Variants in GRM4 observed in about 807,000 individuals in gnomAD.
GRM4 encodes the protein glutamate metabotropic receptor 4, also known as metabotropic glutamate receptor 4.
Under a neutral mutation model 81.7 loss-of-function variants are expected in GRM4, and 28 were observed. The observed-to-expected ratio is 0.34, with a 90% CI of 0.25 to 0.47. The LOEUF is 0.47. Ranked by LOEUF, GRM4 falls within the 20% of genes least tolerant of loss-of-function variation. The pLI, the probability that GRM4 is intolerant of heterozygous loss-of-function variation, is 1.00. For missense variants in GRM4, 948 were observed against 1,290.0 expected, an observed-to-expected ratio of 0.73 and a Z score of 4.06; for synonymous variants, 488 against 528.8, an observed-to-expected ratio of 0.92 and a Z score of 1.06.
Position 34,095,131 on chromosome 6 carries a change from A to AGAGC in GRM4, c.520-3036_520-3033dup, listed in dbSNP as rs756556639. ...CAGGATATGCGCGTCAGCCTGCAGG[A>AGAGC]GAGCCCCGGACCCCTGATTTCAAGA... On this transcript the variant is annotated intron_variant, in intron 2 of 10. Transcript: ENST00000538487. Among the ~76,000 whole-genome samples the AGAGC allele has an allele frequency of 5.3e-5, 8 of 152,320 alleles. No homozygotes were observed. The South Asian group carries it at 6.2e-4, about 12-fold the overall frequency.
intron 2 of GRM4, among the ~76,000 whole-genome samples, chr6:34,125,105 T>G (rs1168340547): frequency 1.3e-5 from 2 of 152,036 alleles, no homozygotes; most frequent in Non-Finnish European, 2.9e-5. Context: ...TCCTGAGTAG[T>G]TGGGACTACA....
intron 6 of GRM4, 31 bp from the exon 7 acceptor site, chr6:34,040,779 C>A: frequency 1.3e-6 from 2 of 1,573,246 alleles, no homozygotes; most frequent in Non-Finnish European, 1.7e-6. Flanking sequence ...CAGGGACACT[C>A]GTGAGGCCCA....
rs553078897 is a variant in GRM4 at position 34,052,673 on chromosome 6, G to A, written c.1168+3871C>T. ...GGAAGCTAGACTCTGGAGACAGAGTGGGGGCAGGTGGAGAATAGGTCTCGG... is the reference window on the plus strand; with the variant it reads ...GGAAGCTAGACTCTGGAGACAGAGTAGGGGCAGGTGGAGAATAGGTCTCGG... On this transcript the variant is annotated intron_variant, in intron 6 of 10. Transcript: ENST00000538487. Among the ~76,000 whole-genome samples the A allele has an allele frequency of 1.7e-3, 264 of 152,324 alleles. 1 individual carries two copies. The highest frequency in any genetic ancestry group is 6.0e-3 in the African/African-American group (249 of 41,558).
Position 34,040,702 on chromosome 6 carries a change from C to T in GRM4, c.1215G>A (p.Lys405=), listed in dbSNP as rs1764980963. 1.2e-6 allele frequency: 2 copies of T among 1,613,978 alleles called. No individual in the cohort carries two copies. Among genetic ancestry groups the T allele is most frequent in the South Asian group, 1.1e-5 (1 of 91,088 alleles). The stretch of plus-strand genomic sequence containing the variant: ...ACACGGCATCGATCACAAACTGCAC[C>T]TTCCCCTCCTGCTCATAAGCTGAAT... The part of the protein sequence containing the change: ...GQDSAYEQEG[K]VQFVIDAVYA... Residue 405 remains lysine (K), a synonymous_variant, in exon 7 of 11, where the codon AAG becomes AAA. Transcript: ENST00000538487.
At chr6:34,039,377 G>A (rs989296345) in intron 8 of GRM4, among the ~76,000 whole-genome samples, 15 of 152,242 alleles carry the variant, frequency 9.9e-5, no homozygotes, top group African/African-American at 3.6e-4. Context: ...CCAGGACAAG[G>A]AGAGTGGAGG....
In GRM4 at chr6:34,036,598, C is replaced by T. The variant is rs1341524492; in HGVS notation, c.1512G>A (p.Glu504=). Residue 504 remains glutamate, a synonymous_variant, in exon 9 of 11, where the codon GAG becomes GAA. Coordinates refer to ENST00000538487, the MANE Select transcript of GRM4 (RefSeq NM_000841.4). The surrounding 1 kb of genome is among the most constrained non-coding windows in gnomAD (Gnocchi z 9.0). ...GCCCGCTCCCCGGCCAGTGCATCCG[C>T]TCTATCTGGCAATGACAGCACCGTA... ...SWTDHLHLRI[E]RMHWPGSGQQ... 1 of 1,553,350 alleles carries T rather than the reference C, an allele frequency of 6.4e-7. No individual in the cohort carries two copies. Among genetic ancestry groups the T allele is most frequent in the Non-Finnish European group, 8.8e-7 (1 of 1,141,758 alleles).
rs1459580571 is a variant in GRM4, at chr6:34,045,073, C to G, written c.1169-4325G>C. On this transcript the variant is annotated intron_variant, in intron 6 of 10. Coordinates refer to ENST00000538487, the MANE Select transcript of GRM4 (RefSeq NM_000841.4). The stretch of plus-strand genomic sequence containing the variant: ...CACTCCTCAACTCTGACCTCAGATG[C>G]CTCAGGCCCTTCCCTTGTGCCCCAC... 3.3e-5 allele frequency among the ~76,000 whole-genome samples: 5 copies of G among 152,306 alleles called. No homozygotes were observed. In the East Asian group the frequency reaches 9.6e-4, roughly 29 times the overall value.
intron 2 of GRM4, among the ~76,000 whole-genome samples, chr6:34,118,183 T>C (rs141214086): frequency 5.3e-5 from 8 of 152,354 alleles, no homozygotes; most frequent in Non-Finnish European, 1.0e-4. Flanking sequence ...GCTTTGCTGT[T>C]TTCTTCCAAA....
In GRM4 at chr6:34,092,765, G is replaced by A. The variant is rs989980453; in HGVS notation, c.520-666C>T. On this transcript the variant is annotated intron_variant, in intron 2 of 10. Transcript: ENST00000538487. The surrounding 1 kb of genome is among the most constrained non-coding windows in gnomAD (Gnocchi z 6.8). ...CCCACAGCCTCTCCAAGGCAGAGCCGACCCGGGGCCCTGCCCCAGCCCCGG... is the reference window on the plus strand; with the variant it reads ...CCCACAGCCTCTCCAAGGCAGAGCCAACCCGGGGCCCTGCCCCAGCCCCGG... Among the ~76,000 whole-genome samples the A allele has an allele frequency of 3.3e-5, 5 of 151,942 alleles. No homozygotes were observed. The highest frequency in any genetic ancestry group is 4.8e-5 in the African/African-American group (2 of 41,376).
In GRM4 at chr6:34,121,195, T is replaced by G. The variant is rs1316844442; in HGVS notation, c.519+11783A>C. 6.6e-6 allele frequency among the ~76,000 whole-genome samples: 1 copy of G among 152,070 alleles called. No individual in the cohort carries two copies. The highest frequency in any genetic ancestry group is 1.5e-5 in the Non-Finnish European group (1 of 68,010). On this transcript the variant is annotated intron_variant, in intron 2 of 10. Coordinates refer to ENST00000538487, the MANE Select transcript of GRM4 (RefSeq NM_000841.4). This position sits in a 1 kb window ranked among gnomAD's most constrained non-coding sequence, Gnocchi z 4.6. ...TCCTGACCCCGGAAACCACTCACCC[T>G]CACACACCGCCCCCCAGTCCTAAGC...
rs140568754 is a variant in GRM4, at chr6:34,095,366, G to A, written c.520-3267C>T. On this transcript the variant is annotated intron_variant, in intron 2 of 10. Coordinates refer to ENST00000538487, the MANE Select transcript of GRM4 (RefSeq NM_000841.4). ...CTCCAGCCCCACCCACACTTCCTAG[G>A]GAGACAGTTTCAAGCAGACTTTGGG... Among the ~76,000 whole-genome samples the A allele has an allele frequency of 5.5e-3, 832 of 152,220 alleles. 5 individuals carry two copies. The highest frequency in any genetic ancestry group is 0.019 in the African/African-American group (790 of 41,512).
intron 6 of GRM4, among the ~76,000 whole-genome samples, chr6:34,046,600 TAAA>T (rs1765374646): frequency 6.6e-6 from 1 of 152,168 alleles, no homozygotes; most frequent in Non-Finnish European, 1.5e-5. Context: ...TCCACAGGGA[TAAA>T]TGCTCCAGCT....
Position 34,062,034 on chromosome 6 carries a change from G to A in GRM4, c.737-6C>T, listed in dbSNP as rs1315819940. 6.2e-6 allele frequency: 10 copies of A among 1,605,108 alleles called. No individual in the cohort carries two copies. The highest frequency in any genetic ancestry group is 1.7e-4 in the Middle Eastern group (1 of 6,054). ...CTGGGCGATGCACACGCCCCCTGCA[G>A]GAGGGGCACCAGTTAGTTGGGGTGG... On this transcript the variant is annotated splice_region_variant and splice_polypyrimidine_tract_variant and intron_variant, in intron 3 of 10. Transcript: ENST00000538487.
At chr6:34,076,794 C>A (rs1174255843) in intron 3 of GRM4, among the ~76,000 whole-genome samples, 1 of 152,156 alleles carries the variant, frequency 6.6e-6, no homozygotes, top group Non-Finnish European at 1.5e-5. Flanking sequence ...CCCCACCCCA[C>A]CCCAGAAAAC....
chr6:34,051,764 C>A (rs1253895769), intron 6 of GRM4, among the ~76,000 whole-genome samples: 1 of 152,146 alleles, frequency 6.6e-6, no homozygotes, highest in African/African-American at 2.4e-5. Context: ...GTGCTTCCTG[C>A]AGATAAGCTC....
chr6:34,146,037 G>T lies in GRM4; in HGVS notation c.-401C>A, dbSNP rs892725151. 4.1e-6 allele frequency: 4 copies of T among 985,210 alleles called. No homozygotes were observed. The highest frequency in any genetic ancestry group is 4.7e-5 in the South Asian group (1 of 21,278). The allele number at this position is 985,210 out of a possible 1,614,324, so 61.0% of individuals were successfully genotyped here. The stretch of plus-strand genomic sequence containing the variant: ...GCGGGGACCCCTTCTCACCCCAGAG[G>T]GGGAGGGTCAGGAACATAGCCTCCC... On this transcript the variant is annotated 5_prime_UTR_variant, in exon 1 of 11. Transcript: ENST00000538487.
chr6:34,028,316 C>G lies in GRM4; in HGVS notation c.2493G>C (p.Ser831=). Residue 831 remains serine, a synonymous_variant, in exon 10 of 11, where the codon TCG becomes TCC. Coordinates refer to ENST00000538487, the MANE Select transcript of GRM4 (RefSeq NM_000841.4). ...GCATGTAGAGCATTCCCAGGGACACCGAGGCGCTCAGACTCACCGAGACCG... is the reference window on the plus strand; with the variant it reads ...GCATGTAGAGCATTCCCAGGGACACGGAGGCGCTCAGACTCACCGAGACCG... The part of the protein sequence containing the change: ...TLTVSVSLSA[S]VSLGMLYMPK... 1.2e-6 allele frequency: 2 copies of G among 1,613,012 alleles called. No individual in the cohort carries two copies. The highest frequency in any genetic ancestry group is 1.1e-5 in the South Asian group (1 of 91,060).
At chr6:34,083,627 G>A (rs1227099943) in intron 3 of GRM4, among the ~76,000 whole-genome samples, 2 of 152,184 alleles carry the variant, frequency 1.3e-5, no homozygotes, top group Non-Finnish European at 2.9e-5. Flanking sequence ...CTGGCTGCAG[G>A]GTGGGGCCCA....
At chr6:34,149,749 G>C (rs1029719852), upstream of GRM4, among the ~76,000 whole-genome samples, 1 of 152,222 alleles carries the variant, frequency 6.6e-6, no homozygotes, top group African/African-American at 2.4e-5. Flanking sequence ...CAGCCTCCAG[G>C]AATCCTCCCA....
Sources: allele counts gnomAD v4.1 joint callset (sites outside exome capture counted in the v4.1 genomes callset), GRCh38; gene constraint gnomAD v4.1.1; non-coding constraint Gnocchi (gnomAD v3.1); transcripts MANE v1.5; gene names NCBI Gene and HGNC (gene_info 2026-07-23, HGNC 2026-07-21).